TGFA: variants seen among roughly 807,000 people sequenced by gnomAD.
TGFA encodes the protein transforming growth factor alpha, also known as protransforming growth factor alpha.
TGFA carries 12 observed loss-of-function variants against 21.7 expected under a neutral mutation model. The observed-to-expected ratio is 0.55, with a 90% confidence interval of 0.35 to 0.90. TGFA has a LOEUF of 0.90. Among genes scored for constraint, TGFA ranks in the 40% least tolerant of loss-of-function variants. The pLI is 0.01. For missense variants in TGFA, 178 were observed against 210.8 expected, an observed-to-expected ratio of 0.84 and a Z score of 0.96; for synonymous variants, 79 against 88.1, an observed-to-expected ratio of 0.90 and a Z score of 0.58.
chr2:70,524,719 G>A (rs558894860), intron 1 of TGFA, among the ~76,000 whole-genome samples: 2 of 152,216 alleles, frequency 1.3e-5, no homozygotes, highest in East Asian at 1.9e-4. Flanking sequence ...AGGGGATGGC[G>A]GCAGTGGGCT....
At chr2:70,545,932 AT>A (rs1673289794) in intron 1 of TGFA, among the ~76,000 whole-genome samples, 1 of 152,154 alleles carries the variant, frequency 6.6e-6, no homozygotes, top group Admixed American at 6.5e-5. Flanking sequence ...TAAGAAAAAA[AT>A]TTTTAAAGGT....
chr2:70,454,428 T>C (rs1670160239), intron 4 of TGFA, among the ~76,000 whole-genome samples: 1 of 152,242 alleles, frequency 6.6e-6, no homozygotes, highest in Non-Finnish European at 1.5e-5. Flanking sequence ...CAGAGCAGTG[T>C]GCCTGGGCAC....
At chr2:70,498,096 A>C (rs1049806820) in intron 2 of TGFA, among the ~76,000 whole-genome samples, 16 of 152,300 alleles carry the variant, frequency 1.1e-4, no homozygotes, top group African/African-American at 3.9e-4. Context: ...TTTGTAAATC[A>C]TTTGGTGAGA....
At chr2:70,455,840 G>A (rs532237201) in intron 4 of TGFA, among the ~76,000 whole-genome samples, 2 of 152,310 alleles carry the variant, frequency 1.3e-5, no homozygotes, top group South Asian at 2.1e-4. Context: ...CAGCAACTGA[G>A]TTTTGGAGGA....
intron 2 of TGFA, among the ~76,000 whole-genome samples, chr2:70,474,620 T>C (rs1670868433): frequency 6.6e-6 from 1 of 152,146 alleles, no homozygotes; most frequent in Non-Finnish European, 1.5e-5. Flanking sequence ...GGGATGATGG[T>C]TAATTGAGGA....
chr2:70,533,052 G>T (rs1361241115), intron 1 of TGFA, among the ~76,000 whole-genome samples: 1 of 151,076 alleles, frequency 6.6e-6, no homozygotes, highest in Non-Finnish European at 1.5e-5. Context: ...TTTTTTCATA[G>T]AGACAGGGTT....
chr2:70,449,855 T>C lies in TGFA; in HGVS notation c.*1004A>G, dbSNP rs1669996925. ...GAGGGCTCACGAGGAAGTGAACCCA[T>C]TTAATCACTGAGCAGTACAATATGT... On this transcript the variant is annotated 3_prime_UTR_variant, in exon 6 of 6. Coordinates refer to ENST00000295400, the MANE Select transcript of TGFA (RefSeq NM_003236.4). The C allele has an allele frequency of 5.6e-6, 1 of 177,122 alleles. No individual in the cohort carries two copies. Among genetic ancestry groups the C allele is most frequent in the Admixed American group, 6.0e-5 (1 of 16,798 alleles). The allele number at this position is 177,122 out of a possible 1,614,324, so 11.0% of individuals were successfully genotyped here.
At chr2:70,539,586 C>G (rs1179810422) in intron 1 of TGFA, among the ~76,000 whole-genome samples, 1 of 152,126 alleles carries the variant, frequency 6.6e-6, no homozygotes, top group Non-Finnish European at 1.5e-5. Flanking sequence ...TCTCAAGTAG[C>G]TGGGATTACA....
intron 1 of TGFA, among the ~76,000 whole-genome samples, chr2:70,527,303 G>A (rs1320149093): frequency 6.6e-6 from 1 of 152,186 alleles, no homozygotes; most frequent in African/African-American, 2.4e-5. Flanking sequence ...CATAGAGAAA[G>A]CTTAAATACA....
rs797022948 is a variant in TGFA at position 70,521,609 on chromosome 2, G to GTTTTTTTTTTTTTTTTTTTTTTTTTTTT, written c.41-6698_41-6697insAAAAAAAAAAAAAAAAAAAAAAAAAAAA. 1.4e-4 allele frequency among the ~76,000 whole-genome samples: 11 copies of GTTTTTTTTTTTTTTTTTTTTTTTTTTTT among 78,890 alleles called. 2 individuals are homozygous for GTTTTTTTTTTTTTTTTTTTTTTTTTTTT. Among genetic ancestry groups the GTTTTTTTTTTTTTTTTTTTTTTTTTTTT allele is most frequent in the Admixed American group, 3.6e-4 (2 of 5,622 alleles). 51.8% of individuals were successfully genotyped at this position (78,890 alleles called of 152,430 possible). A position where few individuals can be genotyped will look rare whatever the true frequency, so the allele number is the denominator to read the frequency against. ...ACTATTGATAGTTTTTTTTGTTGTT[G>GTTTTTTTTTTTTTTTTTTTTTTTTTTTT]TTTGTTTGTTTTTTTTTTTTTTTTT... On this transcript the variant is annotated intron_variant, in intron 1 of 5. Coordinates refer to ENST00000295400, the MANE Select transcript of TGFA (RefSeq NM_003236.4).
At chr2:70,537,916 G>T (rs2103923466) in intron 1 of TGFA, among the ~76,000 whole-genome samples, 1 of 152,308 alleles carries the variant, frequency 6.6e-6, no homozygotes, top group East Asian at 1.9e-4. Context: ...TGCCATCTAG[G>T]ATGTTTGTAG....
At chr2:70,498,961 C>T (rs1433481649) in intron 2 of TGFA, among the ~76,000 whole-genome samples, 1 of 152,086 alleles carries the variant, frequency 6.6e-6, no homozygotes, top group East Asian at 1.9e-4. Context: ...GCCTGGATGC[C>T]ATCCCCAGGC....
chr2:70,466,587 T>C (rs1031302470), intron 2 of TGFA, among the ~76,000 whole-genome samples: 2 of 148,244 alleles, frequency 1.3e-5, no homozygotes, highest in African/African-American at 2.5e-5. Flanking sequence ...CATGAAGGAG[T>C]CTGGGAAGGA....
At chr2:70,475,101 C>T (rs1448927) in intron 2 of TGFA, among the ~76,000 whole-genome samples, 78,283 of 151,754 alleles carry the variant, frequency 0.52, 20,328 homozygotes, top group East Asian at 0.61. Flanking sequence ...GGTACCTTTT[C>T]ATTTTCCAAC....
chr2:70,454,838 C>T (rs78768040), intron 4 of TGFA, among the ~76,000 whole-genome samples: 4,190 of 152,292 alleles, frequency 0.028, 167 homozygotes, highest in African/African-American at 0.087. Flanking sequence ...GCACCTAGAT[C>T]ATTCCTGTTT....
At chr2:70,488,690 T>C (rs1267516467) in intron 2 of TGFA, among the ~76,000 whole-genome samples, 1 of 152,194 alleles carries the variant, frequency 6.6e-6, no homozygotes, top group African/African-American at 2.4e-5. Context: ...ACCGTTAGAA[T>C]CATTTATAAG....
intron 2 of TGFA, among the ~76,000 whole-genome samples, chr2:70,506,492 G>A (rs1285286243): frequency 2.6e-5 from 4 of 152,116 alleles, no homozygotes; most frequent in Non-Finnish European, 4.4e-5. Context: ...TGACTGTTAC[G>A]CACACTGAAA....
At chr2:70,492,397 G>A (rs2103788973) in intron 2 of TGFA, among the ~76,000 whole-genome samples, 1 of 152,290 alleles carries the variant, frequency 6.6e-6, no homozygotes, top group Admixed American at 6.5e-5. Context: ...CTTCTCAGCT[G>A]GACTGTGGTC....
intron 2 of TGFA, among the ~76,000 whole-genome samples, chr2:70,510,702 G>A (rs1672070651): frequency 6.6e-6 from 1 of 152,208 alleles, no homozygotes; most frequent in African/African-American, 2.4e-5. Flanking sequence ...GACAATGCCA[G>A]TTTCCTATGA....
Sources: allele counts gnomAD v4.1 joint callset (sites outside exome capture counted in the v4.1 genomes callset), GRCh38; gene constraint gnomAD v4.1.1; transcripts MANE v1.5; gene names NCBI Gene and HGNC (gene_info 2026-07-23, HGNC 2026-07-21).